ADAM12: variants seen among roughly 807,000 people sequenced by gnomAD.
The protein encoded by ADAM12 is disintegrin and metalloproteinase domain-containing protein 12.
ADAM12 carries 70 observed loss-of-function variants against 106.4 expected under a neutral mutation model. The ratio of observed to expected loss-of-function variants is 0.66; its 90% CI spans 0.54 to 0.80. The LOEUF is 0.80. Among genes scored for constraint, ADAM12 ranks in the 30% least tolerant of loss-of-function variants. The pLI is 0.00. For synonymous variants in ADAM12, 420 were observed against 433.5 expected (o/e 0.97, Z 0.39); for missense variants, 1,010 against 1,171.9 (o/e 0.86, Z 2.02).
At chr10:126,121,105 T>C (rs1956085989) in intron 5 of ADAM12, among the ~76,000 whole-genome samples, 1 of 69,142 alleles carries the variant, frequency 1.4e-5, no homozygotes. Flanking sequence ...TACTATATTA[T>C]ATATAGTATA....
In ADAM12 at chr10:126,198,810, A is replaced by G. The variant is rs115931943; in HGVS notation, c.261-43505T>C. ...ACCCCACCAAATTTCATGTGTATTT[A>G]TGAATATACTGTTACTGCCAAATTC... On this transcript the variant is annotated intron_variant, in intron 3 of 22. Transcript: ENST00000448723. Among the ~76,000 whole-genome samples, 573 of 152,336 alleles carry G rather than the reference A, an allele frequency of 3.8e-3. 1 individual carries two copies. Among genetic ancestry groups the G allele is most frequent in the African/African-American group, 0.013 (546 of 41,590 alleles).
rs35363888 is a variant in ADAM12, at chr10:126,310,158, CAAA to C, written c.186+20251_186+20253del. On this transcript the variant is annotated intron_variant, in intron 2 of 22. Transcript: ENST00000448723. ...TGGGTGACAGAGTGAGACTCTGTCT[CAAA>C]AAAAAAAAAAAAAAGTGATAGATGA... 5.3e-3 allele frequency among the ~76,000 whole-genome samples: 529 copies of C among 100,516 alleles called. 6 individuals are homozygous for C. Among genetic ancestry groups the C allele is most frequent in the African/African-American group, 0.018 (483 of 26,904 alleles). 65.9% of individuals were successfully genotyped at this position (100,516 alleles called of 152,430 possible).
chr10:126,193,239 T>G (rs1015964586), intron 3 of ADAM12, among the ~76,000 whole-genome samples: 1 of 116,236 alleles, frequency 8.6e-6, no homozygotes, highest in Non-Finnish European at 1.6e-5. Context: ...AACTCCAGCC[T>G]AGGCGACAGA....
intron 2 of ADAM12, among the ~76,000 whole-genome samples, chr10:126,323,552 A>G (rs1854187474): frequency 6.6e-6 from 1 of 152,180 alleles, no homozygotes; most frequent in South Asian, 2.1e-4. Context: ...AGGCACGGAT[A>G]AAGTCTCAGA....
intron 11 of ADAM12, among the ~76,000 whole-genome samples, chr10:126,083,545 CA>C (rs1178005666): frequency 6.6e-6 from 1 of 152,240 alleles, no homozygotes; most frequent in African/African-American, 2.4e-5. Context: ...CAAGGTTCTA[CA>C]CTTCCTTCCA....
intron 2 of ADAM12, among the ~76,000 whole-genome samples, chr10:126,292,905 C>T (rs543571853): frequency 1.3e-5 from 2 of 152,288 alleles, no homozygotes; most frequent in East Asian, 1.9e-4. Flanking sequence ...GCATCAAAAT[C>T]GCCTGGAGTG....
chr10:126,210,523 CAGAG>C (rs1207935869), intron 3 of ADAM12, among the ~76,000 whole-genome samples: 1 of 152,160 alleles, frequency 6.6e-6, no homozygotes, highest in Admixed American at 6.5e-5. Flanking sequence ...GGCAGGGCCA[CAGAG>C]AGAATGTCGT....
chr10:126,325,323 G>T (rs1854259931), intron 2 of ADAM12, among the ~76,000 whole-genome samples: 1 of 152,216 alleles, frequency 6.6e-6, no homozygotes, highest in East Asian at 1.9e-4. Flanking sequence ...AATGGGAGCT[G>T]CTACCAAGGG....
chr10:126,183,232 T>C (rs1266682904), intron 3 of ADAM12, among the ~76,000 whole-genome samples: 1 of 152,248 alleles, frequency 6.6e-6, no homozygotes, highest in Non-Finnish European at 1.5e-5. Context: ...TGTATAATTA[T>C]TTCATTATAT....
At chr10:126,132,705 T>C (rs957545748) in intron 5 of ADAM12, among the ~76,000 whole-genome samples, 2 of 151,964 alleles carry the variant, frequency 1.3e-5, no homozygotes, top group Non-Finnish European at 2.9e-5. Flanking sequence ...CATGCAAACT[T>C]CCCACCATGC....
At chr10:126,054,401 C>T (rs1463489000) in intron 14 of ADAM12, among the ~76,000 whole-genome samples, 1 of 152,224 alleles carries the variant, frequency 6.6e-6, no homozygotes. Context: ...CGCCAAAGCG[C>T]CTTCCCACCT....
intron 2 of ADAM12, among the ~76,000 whole-genome samples, chr10:126,290,238 G>A (rs1027716493): frequency 1.3e-5 from 2 of 152,136 alleles, no homozygotes; most frequent in East Asian, 1.9e-4. Context: ...ACTGAATTCC[G>A]CCAGTGCGTC....
rs781668099 is a variant in ADAM12 at position 126,246,205 on chromosome 10, C to T, written c.260+32710G>A. On this transcript the variant is annotated intron_variant, in intron 3 of 22. Transcript: ENST00000448723. The stretch of plus-strand genomic sequence containing the variant: ...ATGGCTTTGGGGACAAAAAGATAAC[C>T]CTCTTTCTCAGAAACTGGGAGAAGG... Among the ~76,000 whole-genome samples, 5 of 152,184 alleles carry T rather than the reference C, an allele frequency of 3.3e-5. No homozygotes were observed. The South Asian group carries it at 8.3e-4, about 25-fold the overall frequency.
intron 2 of ADAM12, among the ~76,000 whole-genome samples, chr10:126,311,588 C>T (rs1163364867): frequency 1.3e-5 from 2 of 152,088 alleles, no homozygotes; most frequent in Admixed American, 6.5e-5. Context: ...CTGGGAACTT[C>T]CAGCCCACCC....
intron 2 of ADAM12, among the ~76,000 whole-genome samples, chr10:126,322,474 GTGGCGC>G (rs986587460): frequency 2.0e-5 from 3 of 152,212 alleles, no homozygotes; most frequent in African/African-American, 7.2e-5. Context: ...CTAGAAGAGG[GTGGCGC>G]TGGCATCAGT....
chr10:126,363,642 C>T (rs1004801270), intron 1 of ADAM12, among the ~76,000 whole-genome samples: 1 of 152,160 alleles, frequency 6.6e-6, no homozygotes, highest in African/African-American at 2.4e-5. Context: ...GTTCTTATGC[C>T]TCTGCCTTCT....
At chr10:126,268,341 T>C (rs7909571) in intron 3 of ADAM12, among the ~76,000 whole-genome samples, 131,336 of 152,142 alleles carry the variant, frequency 0.86, 58,423 homozygotes, top group Non-Finnish European at 0.97. Context: ...AATTTCATTT[T>C]ACGTATGCCA....
chr10:126,273,512 A>T (rs1030883419), intron 3 of ADAM12: 2 of 152,126 alleles, frequency 1.3e-5, no homozygotes. Context: ...GCAAGAGAAG[A>T]AGTAAAAGGG....
chr10:126,211,866 C>T (rs1018190287), intron 3 of ADAM12, among the ~76,000 whole-genome samples: 2 of 152,226 alleles, frequency 1.3e-5, no homozygotes, highest in East Asian at 1.9e-4. Context: ...AGGGAGACCG[C>T]GTGAGTCGAT....
Sources: gnomAD v4.1 joint callset for allele counts (sites outside exome capture counted in the v4.1 genomes callset) on GRCh38, gnomAD v4.1.1 for gene constraint, MANE v1.5 for transcripts, NCBI Gene and HGNC (gene_info 2026-07-23, HGNC 2026-07-21) for gene names.